Variants in RPS6KC1 observed in about 807,000 individuals in gnomAD.
RPS6KC1 encodes the protein ribosomal protein S6 kinase C1.
Under a neutral mutation model 103.8 loss-of-function variants are expected in RPS6KC1, and 54 were observed. The ratio of observed to expected loss-of-function variants is 0.52; its 90% CI spans 0.42 to 0.65. The LOEUF is 0.65. Among genes scored for constraint, RPS6KC1 ranks in the 30% least tolerant of loss-of-function variants. The pLI is 0.00. For synonymous variants in RPS6KC1, 439 were observed against 438.7 expected (o/e 1.00, Z -0.01); for missense variants, 1,151 against 1,253.8 (o/e 0.92, Z 1.24).
the RPS6KC1 span, among the ~76,000 whole-genome samples, chr1:213,833,982 C>T: frequency 1.3e-5 from 2 of 152,294 alleles, no homozygotes; most frequent in East Asian, 3.9e-4. Flanking sequence ...ATGTTAATTT[C>T]ACCCAAAATG....
intron 8 of RPS6KC1, among the ~76,000 whole-genome samples, chr1:213,178,678 A>C (rs1202453040): frequency 2.0e-5 from 3 of 152,110 alleles, no homozygotes; most frequent in Middle Eastern, 3.2e-3. Flanking sequence ...TACTCTGTTT[A>C]GCTGGGAAAA....
chr1:213,760,606 G>A, the RPS6KC1 span, among the ~76,000 whole-genome samples: 4 of 152,208 alleles, frequency 2.6e-5, no homozygotes, highest in South Asian at 2.1e-4. Context: ...AGATAAATTC[G>A]TTTTGTTTCA....
At chr1:213,633,968 A>G in the RPS6KC1 span, among the ~76,000 whole-genome samples, 1 of 151,184 alleles carries the variant, frequency 6.6e-6, no homozygotes, top group Non-Finnish European at 1.5e-5. Context: ...AACAAAGATC[A>G]AAAGAGACAA....
the RPS6KC1 span, among the ~76,000 whole-genome samples, chr1:213,617,781 A>C: frequency 6.6e-6 from 1 of 152,198 alleles, no homozygotes; most frequent in South Asian, 2.1e-4. Flanking sequence ...TCATGAGAAC[A>C]AAGACATTTC....
intron 8 of RPS6KC1, among the ~76,000 whole-genome samples, chr1:213,186,411 C>T (rs1025732338): frequency 2.6e-5 from 4 of 152,068 alleles, no homozygotes; most frequent in African/African-American, 9.7e-5. Flanking sequence ...AATGTTGTTT[C>T]ACTCTTGTCT....
the RPS6KC1 span, among the ~76,000 whole-genome samples, chr1:213,559,417 G>A: frequency 2.0e-5 from 3 of 152,174 alleles, no homozygotes; most frequent in Non-Finnish European, 4.4e-5. Context: ...GTGTGACTGC[G>A]AGGGCCACAG....
the RPS6KC1 span, among the ~76,000 whole-genome samples, chr1:213,842,579 C>A: frequency 6.6e-6 from 1 of 152,196 alleles, no homozygotes; most frequent in Non-Finnish European, 1.5e-5. Flanking sequence ...CAAGGCCAAT[C>A]CTCACCAGCG....
chr1:213,682,010 G>A, the RPS6KC1 span, among the ~76,000 whole-genome samples: 38,575 of 152,028 alleles, frequency 0.25, 5,639 homozygotes, highest in East Asian at 0.44. Flanking sequence ...CAAACTGCAT[G>A]ACATGTTTCC....
At chr1:213,181,175 G>A (rs2092244945) in intron 8 of RPS6KC1, among the ~76,000 whole-genome samples, 1 of 152,206 alleles carries the variant, frequency 6.6e-6, no homozygotes, top group Non-Finnish European at 1.5e-5. Context: ...CTTCTGGTTT[G>A]TGAGTAGCCT....
At chr1:213,653,636 T>C in the RPS6KC1 span, among the ~76,000 whole-genome samples, 1 of 152,212 alleles carries the variant, frequency 6.6e-6, no homozygotes, top group Non-Finnish European at 1.5e-5. Context: ...TCATATTTGT[T>C]TGTGTAATTA....
the RPS6KC1 span, among the ~76,000 whole-genome samples, chr1:213,434,781 T>G: frequency 8.3e-6 from 1 of 120,308 alleles, no homozygotes; most frequent in Non-Finnish European, 1.9e-5. Flanking sequence ...TATAACTGAC[T>G]GTTTTTTTTT....
At chr1:213,129,506 C>T (rs756751428) in intron 5 of RPS6KC1, 21 bp from the exon 6 acceptor site, 1 of 1,569,472 alleles carries the variant, frequency 6.4e-7, no homozygotes, top group African/African-American at 1.4e-5. Context: ...TATCTGTTTA[C>T]TATTGTGATC....
chr1:213,643,004 G>C, the RPS6KC1 span, among the ~76,000 whole-genome samples: 1 of 151,710 alleles, frequency 6.6e-6, no homozygotes, highest in East Asian at 1.9e-4. Flanking sequence ...CTTAGTTTTA[G>C]AGCTATATTT....
At chr1:213,285,273 G>A in the RPS6KC1 span, among the ~76,000 whole-genome samples, 5 of 152,226 alleles carry the variant, frequency 3.3e-5, no homozygotes, top group African/African-American at 9.6e-5. Flanking sequence ...TCCCATTCAT[G>A]GGGGCTCTAC....
the RPS6KC1 span, among the ~76,000 whole-genome samples, chr1:213,383,645 G>C: frequency 6.6e-6 from 1 of 152,138 alleles, no homozygotes; most frequent in East Asian, 1.9e-4. Flanking sequence ...TCTAAGGAAG[G>C]AATTAAGGTG....
the RPS6KC1 span, among the ~76,000 whole-genome samples, chr1:213,537,713 G>C: frequency 6.6e-6 from 1 of 152,258 alleles, no homozygotes; most frequent in African/African-American, 2.4e-5. Flanking sequence ...GAATGTGGGT[G>C]TGTGAGTTTG....
chr1:213,333,878 C>G, the RPS6KC1 span, among the ~76,000 whole-genome samples: 1 of 152,158 alleles, frequency 6.6e-6, no homozygotes, highest in East Asian at 1.9e-4. Flanking sequence ...GAAGGGCTTT[C>G]ACAATGTTGG....
chr1:213,578,172 A>G, the RPS6KC1 span, among the ~76,000 whole-genome samples: 1 of 152,256 alleles, frequency 6.6e-6, no homozygotes, highest in Non-Finnish European at 1.5e-5. Context: ...AAGCCTTGGC[A>G]GCTTACACAT....
At chr1:213,364,734 AC>A in the RPS6KC1 span, among the ~76,000 whole-genome samples, 1 of 152,082 alleles carries the variant, frequency 6.6e-6, no homozygotes, top group African/African-American at 2.4e-5. Flanking sequence ...CGGGCGGATC[AC>A]CTGAGGTCAG....
Sources: gnomAD v4.1 joint callset for allele counts (sites outside exome capture counted in the v4.1 genomes callset) on GRCh38, gnomAD v4.1.1 for gene constraint, MANE v1.5 for transcripts, NCBI Gene and HGNC (gene_info 2026-07-23, HGNC 2026-07-21) for gene names.